SRFBP1: variants seen among roughly 807,000 people sequenced by gnomAD.
SRFBP1 encodes serum response factor-binding protein 1.
In SRFBP1, 47 loss-of-function variants were observed where a neutral mutation model predicts 45.5. The ratio of observed to expected loss-of-function variants is 1.03; its 90% CI spans 0.82 to 1.32. The LOEUF (loss-of-function observed/expected upper bound fraction) is 1.32. SRFBP1 is among the 40% of genes most tolerant of loss of function. The pLI, the probability that SRFBP1 is intolerant of heterozygous loss-of-function variation, is 0.00. For synonymous variants in SRFBP1, 203 were observed against 166.3 expected, an observed-to-expected ratio of 1.22 and a Z score of -1.70; for missense variants, 621 against 484.6, an observed-to-expected ratio of 1.28 and a Z score of -2.64.
At chr5:122,032,926 GT>G (rs763211372), downstream of SRFBP1, among the ~76,000 whole-genome samples, 2 of 151,788 alleles carry the variant, frequency 1.3e-5, no homozygotes, top group African/African-American at 4.8e-5. Context: ...TGACCTCTTT[GT>G]TTTTTTTATT....
chr5:122,042,008 A>G (rs181199255), intron 2 of SRFBP1, among the ~76,000 whole-genome samples: 1 of 152,270 alleles, frequency 6.6e-6, no homozygotes, highest in East Asian at 1.9e-4. Flanking sequence ...AAGAATAGAC[A>G]TTGAGCTTTA....
chr5:122,002,859 C>T (rs969252204), intron 4 of SRFBP1, among the ~76,000 whole-genome samples: 2 of 151,918 alleles, frequency 1.3e-5, no homozygotes, highest in African/African-American at 4.8e-5. Flanking sequence ...TTTTCCCAGC[C>T]TTAAGAAAAA....
At chr5:122,070,749 C>T (rs922569659) in intron 2 of SRFBP1, 1 of 501,972 alleles carries the variant, frequency 2.0e-6, no homozygotes, top group Non-Finnish European at 3.5e-6. Flanking sequence ...ATTTATTACT[C>T]AGCCTTATAG....
chr5:122,072,385 T>C (rs547717340), intron 2 of SRFBP1, among the ~76,000 whole-genome samples: 1 of 152,350 alleles, frequency 6.6e-6, no homozygotes, highest in Non-Finnish European at 1.5e-5. Flanking sequence ...TGAGGCTCTC[T>C]AAATCAGCAA....
intron 3 of SRFBP1, among the ~76,000 whole-genome samples, chr5:121,993,054 A>C (rs1485329274): frequency 2.0e-5 from 3 of 152,158 alleles, no homozygotes; most frequent in Non-Finnish European, 4.4e-5. Flanking sequence ...ATTGCTAATA[A>C]TTAGTCCAAC....
At chr5:121,998,074 A>G (rs1284417159) in intron 4 of SRFBP1, among the ~76,000 whole-genome samples, 1 of 152,078 alleles carries the variant, frequency 6.6e-6, no homozygotes, top group Non-Finnish European at 1.5e-5. Flanking sequence ...TGGGACTGTA[A>G]ACTTAGTTCA....
chr5:122,017,027 G>A (rs767215690), intron 4 of SRFBP1, among the ~76,000 whole-genome samples: 36 of 152,156 alleles, frequency 2.4e-4, no homozygotes, highest in Non-Finnish European at 4.3e-4. Flanking sequence ...TCAGGAGTTC[G>A]ACACCAGCCT....
intron 3 of SRFBP1, among the ~76,000 whole-genome samples, chr5:121,979,761 C>T (rs1752370059): frequency 6.6e-6 from 1 of 152,088 alleles, no homozygotes; most frequent in South Asian, 2.1e-4. Flanking sequence ...CGTGTACTTT[C>T]CAGCCCAGAG....
At position 121,987,289 on chromosome 5, in the gene SRFBP1, A is replaced by G. The variant is rs556446806; in HGVS notation, c.199-7310A>G. Among the ~76,000 whole-genome samples, 16 of 152,276 alleles carry G rather than the reference A, an allele frequency of 1.1e-4. 1 individual carries two copies. In the South Asian group the frequency reaches 3.3e-3, roughly 32 times the overall value. ...ACATGTCTCTGAGCTGTCTAATCCT[A>G]GCAGCAGAGGATTGAGATGCAATTG... is the stretch of plus-strand genomic sequence containing the variant. On this transcript the variant is annotated intron_variant, in intron 3 of 7. Coordinates refer to ENST00000339397, the MANE Select transcript of SRFBP1 (RefSeq NM_152546.3).
intron 1 of SRFBP1, among the ~76,000 whole-genome samples, chr5:121,966,905 G>A (rs1025462203): frequency 2.0e-5 from 3 of 149,120 alleles, no homozygotes; most frequent in Admixed American, 6.7e-5. Flanking sequence ...TCAGCCTCCC[G>A]ACTAGCTGGG....
intron 4 of SRFBP1, among the ~76,000 whole-genome samples, chr5:121,995,367 A>G (rs1219125073): frequency 6.6e-6 from 1 of 152,202 alleles, no homozygotes; most frequent in East Asian, 1.9e-4. Flanking sequence ...ATCTCACTCA[A>G]AGCCGCTCAA....
At chr5:122,015,923 CTCCTCATATACTTA>C (rs1753185691) in intron 4 of SRFBP1, among the ~76,000 whole-genome samples, 1 of 152,134 alleles carries the variant, frequency 6.6e-6, no homozygotes, top group Non-Finnish European at 1.5e-5. Context: ...CCCCTCCATC[CTCCTCATATACTTA>C]TCTCCTGATA....
intron 1 of SRFBP1, among the ~76,000 whole-genome samples, chr5:121,967,608 A>G (rs1272406350): frequency 1.3e-5 from 2 of 152,198 alleles, no homozygotes; most frequent in East Asian, 3.8e-4. Context: ...TGAGGCCGGC[A>G]GATCACTTGA....
chr5:121,983,178 A>G (rs146332199), intron 3 of SRFBP1, among the ~76,000 whole-genome samples: 2 of 151,786 alleles, frequency 1.3e-5, no homozygotes, highest in African/African-American at 4.8e-5. Context: ...TATCACCTCA[A>G]TTTGGAGTTA....
chr5:122,058,326 C>T (rs1465605950), intron 2 of SRFBP1, among the ~76,000 whole-genome samples: 1 of 152,030 alleles, frequency 6.6e-6, no homozygotes, highest in Non-Finnish European at 1.5e-5. Flanking sequence ...TTGGTTATTA[C>T]TGGCTTAAGA....
intron 2 of SRFBP1, among the ~76,000 whole-genome samples, chr5:122,074,578 TA>T (rs1269099822): frequency 6.6e-6 from 1 of 152,200 alleles, no homozygotes; most frequent in African/African-American, 2.4e-5. Context: ...TATGAGATTT[TA>T]AAAAATTGAG....
In SRFBP1 at chr5:121,970,836, A is replaced by C. The variant is rs192853404; in HGVS notation, c.37-3360A>C. Among the ~76,000 whole-genome samples, 498 of 152,242 alleles carry C rather than the reference A, an allele frequency of 3.3e-3. 2 individuals carry two copies. Among genetic ancestry groups the C allele is most frequent in the African/African-American group, 0.012 (481 of 41,570 alleles). ...TTGAATAAAACCAGATACTTGATCAACTTCACAGAATTTATAACCTACTGG... is the reference window on the plus strand; with the variant it reads ...TTGAATAAAACCAGATACTTGATCACCTTCACAGAATTTATAACCTACTGG... On this transcript the variant is annotated intron_variant, in intron 1 of 7. Coordinates refer to ENST00000339397, the MANE Select transcript of SRFBP1 (RefSeq NM_152546.3).
intron 2 of SRFBP1, among the ~76,000 whole-genome samples, chr5:122,046,958 A>C (rs1242355771): frequency 6.6e-6 from 1 of 152,168 alleles, no homozygotes; most frequent in Non-Finnish European, 1.5e-5. Context: ...CCTTTGTCAG[A>C]TGAGTAGGTT....
intron 5 of SRFBP1, among the ~76,000 whole-genome samples, chr5:122,019,617 A>T (rs1338115647): frequency 1.3e-5 from 2 of 150,930 alleles, no homozygotes; most frequent in East Asian, 3.9e-4. Flanking sequence ...TAGTTTTTTT[A>T]AAATATTGAC....
Sources: allele counts gnomAD v4.1 joint callset (sites outside exome capture counted in the v4.1 genomes callset), GRCh38; gene constraint gnomAD v4.1.1; transcripts MANE v1.5; gene names NCBI Gene and HGNC (gene_info 2026-07-23, HGNC 2026-07-21).